CFAP74: variants seen among roughly 807,000 people sequenced by gnomAD.
CFAP74 encodes the protein cilia- and flagella-associated protein 74.
A neutral mutation model predicts 188.9 loss-of-function variants in CFAP74; 124 were observed. The observed-to-expected ratio is 0.66, with a 90% CI of 0.57 to 0.76. The LOEUF (loss-of-function observed/expected upper bound fraction) is 0.76, where lower values mean the gene tolerates loss of function less well. Ranked by LOEUF, CFAP74 falls within the 30% of genes least tolerant of loss-of-function variation. The probability of loss-of-function intolerance (pLI) is 0.00; values close to 1 mark genes in which losing one functional copy is unlikely to be tolerated. For missense variants in CFAP74, 2,198 were observed against 2,165.2 expected (o/e 1.02, Z -0.30); for synonymous variants, 956 against 916.7 (o/e 1.04, Z -0.77).
chr1:1,928,137 G>A (rs937422923), intron 27 of CFAP74, among the ~76,000 whole-genome samples: 3 of 151,782 alleles, frequency 2.0e-5, no homozygotes, highest in Non-Finnish European at 4.4e-5. Context: ...AAGCCAGGCC[G>A]GGAAGGGCAA....
At chr1:2,002,772 A>G (rs1424831551) in intron 1 of CFAP74, among the ~76,000 whole-genome samples, 1 of 150,102 alleles carries the variant, frequency 6.7e-6, no homozygotes, top group Admixed American at 6.7e-5. Flanking sequence ...TAGTCTATAT[A>G]TTTATATTAT....
chr1:1,974,973 C>G (rs1009533500), intron 6 of CFAP74, among the ~76,000 whole-genome samples: 11 of 152,354 alleles, frequency 7.2e-5, no homozygotes, highest in African/African-American at 2.6e-4. Context: ...CTCCTGGAGA[C>G]TGCGAACGGT....
intron 6 of CFAP74, among the ~76,000 whole-genome samples, chr1:1,978,526 C>T (rs1656592941): frequency 6.6e-6 from 1 of 152,144 alleles, no homozygotes; most frequent in Admixed American, 6.5e-5. Context: ...CCAGTGTGGT[C>T]AGTCGCAGAG....
chr1:1,969,471 C>A (rs1371384934), intron 10 of CFAP74, among the ~76,000 whole-genome samples: 4 of 148,034 alleles, frequency 2.7e-5, no homozygotes, highest in Non-Finnish European at 1.5e-5. Flanking sequence ...CCCAGCCCAG[C>A]CCTGCCCGGC....
Position 1,985,393 on chromosome 1 carries a change from C to T in CFAP74, c.493G>A (p.Glu165Lys). 6.2e-7 allele frequency: 1 copy of T among 1,613,916 alleles called. No individual in the cohort carries two copies. ...GGCTGCACACCGACTCACTCGCTCTCCTTCAGCACGGCCTCAGTCCTCGAC... is the reference window on the plus strand; with the variant it reads ...GGCTGCACACCGACTCACTCGCTCTTCTTCAGCACGGCCTCAGTCCTCGAC... The part of the protein sequence containing the change: ...LQSRTEAVLK[E>K]SENTMWHIEI... Residue 165 changes from glutamate (E) to lysine (K), a missense_variant, in exon 6 of 39, where the codon GAG becomes AAG. By Grantham distance (56) the Glu-to-Lys change is moderately conservative. Transcript: ENST00000682832.
chr1:1,951,498 C>T (rs28754760), intron 18 of CFAP74, among the ~76,000 whole-genome samples: 34,866 of 152,124 alleles, frequency 0.23, 4,418 homozygotes, highest in Non-Finnish European at 0.29. Context: ...TCTCTTGTTC[C>T]GTTGGGTCTC....
intron 3 of CFAP74, 100 bp downstream of exon 3, chr1:1,988,785 TGGGA>T: frequency 8.1e-7 from 1 of 1,233,000 alleles, no homozygotes. Context: ...CTACAGCCTG[TGGGA>T]GGGAGGAAGC....
rs1352426530 is a variant in CFAP74, at chr1:1,957,883, GGA to G, written c.1852-1101_1852-1100del. Among the ~76,000 whole-genome samples the G allele has an allele frequency of 7.5e-3, 1,140 of 152,332 alleles. 22 individuals are homozygous for G. The highest frequency in any genetic ancestry group is 0.026 in the African/African-American group (1,061 of 41,574). On this transcript the variant is annotated intron_variant, in intron 16 of 38. Transcript: ENST00000682832. ...GCCGGCCCAACCGTGACCGCTCTGA[GGA>G]GAAGGCGGCAGCCACAGGGCAAGGA...
chr1:1,949,140 C>T (rs565967013), intron 18 of CFAP74, among the ~76,000 whole-genome samples: 1 of 122,208 alleles, frequency 8.2e-6, no homozygotes, highest in African/African-American at 3.1e-5. Context: ...TCCCTCCCTC[C>T]CTCCCTTCCT....
In CFAP74 at chr1:1,922,573, GC is replaced by G. The variant is rs771947030; in HGVS notation, c.4818+15del. On this transcript the variant is annotated intron_variant, in intron 38 of 38. Coordinates refer to ENST00000682832, the MANE Select transcript of CFAP74 (RefSeq NM_001304360.2). ...CGTTCCCAGGGCTCCCTGGCCTGGA[GC>G]CCAAAGGCACCTACATCAAAGTCCG... 7 of 1,608,478 alleles carry G rather than the reference GC, an allele frequency of 4.4e-6. No homozygotes were observed. In the East Asian group the frequency reaches 1.6e-4, roughly 36 times the overall value.
In CFAP74 at chr1:1,923,446, G is replaced by A. The variant is rs768973631; in HGVS notation, c.4443C>T (p.Phe1481=). 9 of 1,610,976 alleles carry A rather than the reference G, an allele frequency of 5.6e-6. No individual in the cohort carries two copies. Among genetic ancestry groups the A allele is most frequent in the African/African-American group, 1.3e-5 (1 of 74,992 alleles). ...LKGAACQHMM[F]VEGGDPLDVP... ...CGTCCAGGGGGTCGCCGCCCTCCAC[G>A]AACATCATGTGCTGACAGGCGGCAC... Residue 1481 remains phenylalanine, a synonymous_variant, in exon 36 of 39, where the codon TTC becomes TTT. Transcript: ENST00000682832. This position sits in a 1 kb window ranked among gnomAD's most constrained non-coding sequence, Gnocchi z 6.3.
intron 33 of CFAP74, among the ~76,000 whole-genome samples, chr1:1,924,930 G>A (rs1651741593): frequency 1.3e-5 from 2 of 152,252 alleles, no homozygotes; most frequent in Admixed American, 6.5e-5. Flanking sequence ...CCCTGAGCCA[G>A]GCGGAGAAGC....
intron 4 of CFAP74, among the ~76,000 whole-genome samples, chr1:1,988,306 G>A (rs1015946496): frequency 5.3e-5 from 8 of 152,192 alleles, no homozygotes; most frequent in Admixed American, 5.2e-4. Context: ...ACTTGTTTCC[G>A]CCTTTTCTGT....
rs1652270444 is a variant in CFAP74, at chr1:1,930,329, T to A, written c.3019A>T (p.Lys1007Ter). ...ACGCCTACAGCCCGGCAAGACAGCT[T>A]GAAGCACCTGCAAGCAGCAGCATGG... Reference protein sequence around the residue: ...TCKSEINRCFKLSCRAVGVHP... With the variant: ...TCKSEINRCF Residue 1007 changes from lysine (K) to a stop codon, truncating the protein, a stop_gained, in exon 26 of 39, where the codon AAG (lysine) becomes TAG (stop). Transcript: ENST00000682832. LOFTEE classifies it high-confidence loss of function. 1.3e-6 allele frequency: 2 copies of A among 1,521,126 alleles called. No homozygotes were observed. Among genetic ancestry groups the A allele is most frequent in the African/African-American group, 2.7e-5 (2 of 72,782 alleles). 94.2% of individuals were successfully genotyped at this position (1,521,126 alleles called of 1,614,324 possible). A position where few individuals can be genotyped will look rare whatever the true frequency, so the allele number is the denominator to read the frequency against.
intron 5 of CFAP74, among the ~76,000 whole-genome samples, chr1:1,986,608 C>T (rs1222685652): frequency 6.6e-6 from 1 of 152,222 alleles, no homozygotes; most frequent in East Asian, 1.9e-4. Context: ...GCCCCTCCCA[C>T]CTGGGAGTGT....
chr1:1,949,844 A>G (rs1654096090), intron 18 of CFAP74, among the ~76,000 whole-genome samples: 1 of 152,168 alleles, frequency 6.6e-6, no homozygotes, highest in South Asian at 2.1e-4. Flanking sequence ...CACTGCCTCT[A>G]TCAAAGGTTC....
intron 38 of CFAP74, 63 bp downstream of exon 38, chr1:1,922,526 T>G (rs1570802157): frequency 6.3e-7 from 1 of 1,585,974 alleles, no homozygotes; most frequent in Non-Finnish European, 8.6e-7. Context: ...TGGGCAGGGG[T>G]GTCAGCCCAC....
chr1:1,935,207 G>A lies in CFAP74; in HGVS notation c.3011+3648C>T, dbSNP rs112585554. Among the ~76,000 whole-genome samples, 113 of 71,450 alleles carry A rather than the reference G, an allele frequency of 1.6e-3. 28 individuals carry two copies. Among genetic ancestry groups the A allele is most frequent in the African/African-American group, 5.9e-3 (111 of 18,732 alleles). The allele number at this position is 71,450 out of a possible 152,430, so 46.9% of individuals were successfully genotyped here. Reference sequence around the variant, plus strand: ...TTAGGTTGTGGGTACACACGTGTACGTGGGTGTTGTAGGTACACACGTGTG... The same window carrying A: ...TTAGGTTGTGGGTACACACGTGTACATGGGTGTTGTAGGTACACACGTGTG... On this transcript the variant is annotated intron_variant, in intron 25 of 38. Coordinates refer to ENST00000682832, the MANE Select transcript of CFAP74 (RefSeq NM_001304360.2).
chr1:1,967,286 G>C (rs1655536008), intron 11 of CFAP74, among the ~76,000 whole-genome samples: 1 of 152,194 alleles, frequency 6.6e-6, no homozygotes, highest in Non-Finnish European at 1.5e-5. Context: ...GGAGAAGGGG[G>C]AACTGGGCCG....
Sources: allele counts gnomAD v4.1 joint callset (sites outside exome capture counted in the v4.1 genomes callset), GRCh38; gene constraint gnomAD v4.1.1; non-coding constraint Gnocchi (gnomAD v3.1); transcripts MANE v1.5; gene names NCBI Gene and HGNC (gene_info 2026-07-23, HGNC 2026-07-21).